The following CALCRL variants were observed in gnomAD, a reference collection of about 807,000 sequenced individuals.
The protein encoded by CALCRL is calcitonin gene-related peptide type 1 receptor.
CALCRL carries 27 observed loss-of-function variants against 60.4 expected under a neutral mutation model. The ratio of observed to expected loss-of-function variants is 0.45; its 90% CI spans 0.33 to 0.62. CALCRL has a LOEUF of 0.62. Among genes scored for constraint, CALCRL ranks in the 20% least tolerant of loss-of-function variants. CALCRL has a pLI of 0.03. For synonymous variants in CALCRL, 190 were observed against 182.6 expected (o/e 1.04, Z -0.33); for missense variants, 424 against 540.7 (o/e 0.78, Z 2.14).
At chr2:187,385,274 C>G (rs1688157804) in intron 4 of CALCRL, among the ~76,000 whole-genome samples, 1 of 151,976 alleles carries the variant, frequency 6.6e-6, no homozygotes, top group Non-Finnish European at 1.5e-5. Flanking sequence ...TAGAGTCATT[C>G]CATTTTTTTT....
At chr2:187,349,591 A>G (rs750613019) in intron 14 of CALCRL, among the ~76,000 whole-genome samples, 3 of 151,706 alleles carry the variant, frequency 2.0e-5, no homozygotes, top group Non-Finnish European at 4.4e-5. Context: ...TTGTATCTCC[A>G]GAGATGAAGA....
chr2:187,392,410 T>G (rs560334810), intron 1 of CALCRL, among the ~76,000 whole-genome samples: 1 of 152,276 alleles, frequency 6.6e-6, no homozygotes, highest in African/African-American at 2.4e-5. Flanking sequence ...GTGAGCAAAG[T>G]TGAGCTATGT....
At position 187,351,894 on chromosome 2, in the gene CALCRL, A is replaced by G. The variant is rs745470020; in HGVS notation, c.1170+26T>C. ...AGACAGATAGCAAATATAAAATAAT[A>G]GAAGGAATAAAATCAATTATCATAC... On this transcript the variant is annotated intron_variant, in intron 14 of 14. Coordinates refer to ENST00000392370, the MANE Select transcript of CALCRL (RefSeq NM_005795.6). 2.9e-6 allele frequency: 4 copies of G among 1,379,356 alleles called. No individual in the cohort carries two copies. The Admixed American group carries it at 5.5e-5, about 19-fold the overall frequency. 85.4% of individuals were successfully genotyped at this position (1,379,356 alleles called of 1,614,324 possible).
chr2:187,416,597 G>A (rs569672789), intron 1 of CALCRL, among the ~76,000 whole-genome samples: 9 of 152,188 alleles, frequency 5.9e-5, no homozygotes, highest in Non-Finnish European at 1.2e-4. Flanking sequence ...TTGTGAATGC[G>A]GGATGGTCTA....
intron 3 of CALCRL, among the ~76,000 whole-genome samples, chr2:187,386,288 G>C (rs1226704418): frequency 2.0e-5 from 3 of 151,940 alleles, no homozygotes; most frequent in Non-Finnish European, 4.4e-5. Context: ...TTTATTTCCT[G>C]TAAGTATTAA....
intron 1 of CALCRL, among the ~76,000 whole-genome samples, chr2:187,427,222 G>A (rs1690182166): frequency 6.6e-6 from 1 of 152,174 alleles, no homozygotes; most frequent in African/African-American, 2.4e-5. Context: ...ATCAGTTTTA[G>A]GAAGGAGATC....
chr2:187,444,625 G>A (rs1414536354), intron 1 of CALCRL, among the ~76,000 whole-genome samples: 2 of 151,390 alleles, frequency 1.3e-5, no homozygotes, highest in Non-Finnish European at 1.5e-5. Flanking sequence ...GAAAATATTT[G>A]CAACTTATTA....
intron 5 of CALCRL, among the ~76,000 whole-genome samples, chr2:187,382,574 C>T (rs1410597286): frequency 6.6e-6 from 1 of 152,020 alleles, no homozygotes; most frequent in Non-Finnish European, 1.5e-5. Flanking sequence ...AAATATAGGA[C>T]CTGTTTTTGT....
intron 14 of CALCRL, 98 bp from the exon 15 acceptor site, chr2:187,346,497 G>T: frequency 2.6e-6 from 2 of 783,174 alleles, no homozygotes; most frequent in South Asian, 1.9e-5. Context: ...TTGGAGAAGA[G>T]CTTTTTTAAA....
intron 8 of CALCRL, among the ~76,000 whole-genome samples, chr2:187,378,422 T>C (rs13405653): frequency 0.041 from 6,297 of 152,174 alleles, 419 homozygotes; most frequent in African/African-American, 0.14. Context: ...CTCCTCAAAA[T>C]GGAGTGAATT....
At chr2:187,357,197 T>C (rs973586640) in intron 12 of CALCRL, among the ~76,000 whole-genome samples, 1 of 152,052 alleles carries the variant, frequency 6.6e-6, no homozygotes, top group African/African-American at 2.4e-5. Flanking sequence ...TAAAGACACA[T>C]GTACACGTAT....
At chr2:187,440,222 A>C (rs1379299134) in intron 1 of CALCRL, among the ~76,000 whole-genome samples, 1 of 152,140 alleles carries the variant, frequency 6.6e-6, no homozygotes, top group East Asian at 1.9e-4. Flanking sequence ...GACGAAAAAA[A>C]AAAGCATGTC....
Position 187,346,368 on chromosome 2 carries a change from T to A in CALCRL, c.1202A>T (p.Gln401Leu). ...VQAILRRNWN[Q>L]YKIQFGNSFS... ...GCTGTTTCCAAATTGGATTTTGTAT[T>A]GATTCCAGTTTCTTCTCAGAATTGC... Residue 401 changes from glutamine to leucine, a missense_variant, in exon 15 of 15, where the codon CAA (glutamine) becomes CTA (leucine). Around this residue, in one of 7 missense-constraint regions of CALCRL, gnomAD observed 222 missense variants for 265.6 expected, o/e 0.84. Coordinates refer to ENST00000392370, the MANE Select transcript of CALCRL (RefSeq NM_005795.6). 6.2e-7 allele frequency: 1 copy of A among 1,611,670 alleles called. No homozygotes were observed.
At chr2:187,401,719 A>T (rs998993157) in intron 1 of CALCRL, among the ~76,000 whole-genome samples, 6 of 151,620 alleles carry the variant, frequency 4.0e-5, no homozygotes, top group South Asian at 4.2e-4. Flanking sequence ...TACAAACAAA[A>T]ATGTAGATAT....
chr2:187,382,083 C>T (rs1316895033), intron 5 of CALCRL, among the ~76,000 whole-genome samples: 3 of 152,056 alleles, frequency 2.0e-5, no homozygotes, highest in Non-Finnish European at 2.9e-5. Context: ...CAGATATGTC[C>T]ATATCACAGC....
chr2:187,343,011 G>A lies in CALCRL; in HGVS notation c.*3173C>T, dbSNP rs1342190036. 2 of 151,428 alleles carry A rather than the reference G, an allele frequency of 1.3e-5. No homozygotes were observed. The highest frequency in any genetic ancestry group is 3.9e-4 in the East Asian group (2 of 5,184). 9.4% of individuals were successfully genotyped at this position (151,428 alleles called of 1,614,324 possible). ...TAGTAGATAAAGGAGATGAATTTCT[G>A]AACATTTTCTTATTTTGAGACATCC... is the stretch of plus-strand genomic sequence containing the variant. On this transcript the variant is annotated 3_prime_UTR_variant, in exon 15 of 15. Coordinates refer to ENST00000392370, the MANE Select transcript of CALCRL (RefSeq NM_005795.6).
intron 8 of CALCRL, among the ~76,000 whole-genome samples, chr2:187,378,325 A>G (rs1044988157): frequency 6.6e-6 from 1 of 152,164 alleles, no homozygotes; most frequent in African/African-American, 2.4e-5. Flanking sequence ...GGGATAAAAT[A>G]ATGCATGCAT....
chr2:187,383,963 T>C (rs1688097259), intron 4 of CALCRL, among the ~76,000 whole-genome samples: 2 of 150,094 alleles, frequency 1.3e-5, no homozygotes, highest in Admixed American at 6.7e-5. Flanking sequence ...CCACGTGACT[T>C]TTTTTCTGAT....
At chr2:187,413,130 T>C (rs949421108) in intron 1 of CALCRL, among the ~76,000 whole-genome samples, 2 of 152,054 alleles carry the variant, frequency 1.3e-5, no homozygotes, top group Non-Finnish European at 2.9e-5. Context: ...GTTATGGAAA[T>C]AGAAGCTCCA....
Sources: allele counts gnomAD v4.1 joint callset (sites outside exome capture counted in the v4.1 genomes callset), GRCh38; gene constraint gnomAD v4.1.1; regional missense constraint gnomAD v4.1.1; transcripts MANE v1.5; gene names NCBI Gene and HGNC (gene_info 2026-07-23, HGNC 2026-07-21).